Variants in KCNG2 observed in about 807,000 individuals in gnomAD.
The protein encoded by KCNG2 is potassium voltage-gated channel modifier subfamily G member 2.
In KCNG2, 7 loss-of-function variants were observed where a neutral mutation model predicts 12.3. That is an observed-to-expected ratio of 0.57 (90% CI 0.32 to 1.07). The LOEUF (loss-of-function observed/expected upper bound fraction) is 1.07. Among genes scored for constraint, KCNG2 ranks in the 50% least tolerant of loss-of-function variants. The probability of loss-of-function intolerance (pLI) is 0.04; values close to 1 mark genes in which losing one functional copy is unlikely to be tolerated. For synonymous variants in KCNG2, 414 were observed against 351.4 expected (o/e 1.18, Z -1.99); for missense variants, 703 against 726.0 (o/e 0.97, Z 0.36).
rs552961280 is a variant in KCNG2 at position 79,877,271 on chromosome 18, G to A, written c.624+12980G>A. ...TAGGGAGCGAAGGGTTAAAGTCTGC[G>A]GACAGAGTCGCTGCTGAGCAAATGA... On this transcript the variant is annotated intron_variant, in intron 3 of 3. Coordinates refer to ENST00000316249, the MANE Select transcript of KCNG2 (RefSeq NM_012283.2). Among the ~76,000 whole-genome samples the A allele has an allele frequency of 4.3e-4, 65 of 152,218 alleles. 1 individual carries two copies. Among genetic ancestry groups the A allele is most frequent in the African/African-American group, 1.4e-3 (58 of 41,572 alleles).
At chr18:79,818,371 C>T (rs998912574) in intron 1 of KCNG2, among the ~76,000 whole-genome samples, 14 of 152,326 alleles carry the variant, frequency 9.2e-5, no homozygotes, top group African/African-American at 2.4e-4. Flanking sequence ...GGCCAGCCCG[C>T]GAGAGATGCG....
In KCNG2 at chr18:79,830,768, G is replaced by A. The variant is rs567809090; in HGVS notation, c.-114-25611G>A. Among the ~76,000 whole-genome samples the A allele has an allele frequency of 6.1e-5, 9 of 147,132 alleles. No individual in the cohort carries two copies. In the East Asian group the frequency reaches 1.0e-3, roughly 17 times the overall value. Reference sequence around the variant, plus strand: ...AGGGTTCCCTGCGGACAGAGCCTTCGTCAGGAGGGTTCCCTGCGGACAGAG... The same window carrying A: ...AGGGTTCCCTGCGGACAGAGCCTTCATCAGGAGGGTTCCCTGCGGACAGAG... On this transcript the variant is annotated intron_variant, in intron 1 of 3. Transcript: ENST00000316249.
intron 1 of KCNG2, among the ~76,000 whole-genome samples, chr18:79,805,863 GCACACA>G (rs36068585): frequency 1.3e-5 from 2 of 150,944 alleles, no homozygotes; most frequent in Non-Finnish European, 3.0e-5. Context: ...AGGTCCACAT[GCACACA>G]CACACACACA....
intron 3 of KCNG2, among the ~76,000 whole-genome samples, chr18:79,876,718 C>G (rs1220143667): frequency 6.6e-6 from 1 of 152,228 alleles, no homozygotes; most frequent in Non-Finnish European, 1.5e-5. Flanking sequence ...ACCGTGAGCA[C>G]TTGCACCTGC....
At chr18:79,807,544 A>G (rs2087459151) in intron 1 of KCNG2, among the ~76,000 whole-genome samples, 1 of 152,164 alleles carries the variant, frequency 6.6e-6, no homozygotes, top group Non-Finnish European at 1.5e-5. Flanking sequence ...CAGATGAGAA[A>G]CTGGTGTGAC....
chr18:79,899,806 C>T lies in KCNG2; in HGVS notation c.1391C>T (p.Ala464Val), dbSNP rs755400361. The change falls in exon 4 of 4, where the codon GCA (alanine) becomes GTA (valine). Residue 464 changes from alanine to valine, a missense_variant. Physicochemically the swap from Ala to Val is moderately conservative, Grantham distance 64. Transcript: ENST00000316249. ...DDSADALWVR[A>V]GR is the part of the protein sequence containing the mutation. ...TCCGCGGATGCGCTGTGGGTGCGGG[C>T]AGGGCGCTGACGCCTGCGCCGCCCA... is the stretch of plus-strand genomic sequence containing the variant. The T allele has an allele frequency of 2.8e-6, 4 of 1,408,512 alleles. No individual in the cohort carries two copies. The African/African-American group carries it at 4.5e-5, about 16-fold the overall frequency. The allele number at this position is 1,408,512 out of a possible 1,614,324, so 87.3% of individuals were successfully genotyped here. A position where few individuals can be genotyped will look rare whatever the true frequency, so the allele number is the denominator to read the frequency against.
At chr18:79,896,990 T>C (rs1980999029) in intron 3 of KCNG2, among the ~76,000 whole-genome samples, 1 of 152,250 alleles carries the variant, frequency 6.6e-6, no homozygotes, top group Non-Finnish European at 1.5e-5. Context: ...TTCATTTTGC[T>C]CTTGCTGCTT....
chr18:79,800,291 C>T lies in KCNG2; in HGVS notation c.-115+2277C>T, dbSNP rs186580764. Among the ~76,000 whole-genome samples the T allele has an allele frequency of 2.0e-5, 3 of 152,018 alleles. No homozygotes were observed. The highest frequency in any genetic ancestry group is 6.5e-5 in the Admixed American group (1 of 15,274). The stretch of plus-strand genomic sequence containing the variant: ...TGTCTGAGTACTGCGCGCCTGTCCA[C>T]GGATGGGTAATTTTGTAATGAATGG... On this transcript the variant is annotated intron_variant, in intron 1 of 3. Transcript: ENST00000316249. This position sits in a 1 kb window ranked among gnomAD's most constrained non-coding sequence, Gnocchi z 4.0.
chr18:79,850,679 T>C (rs1978785309), intron 1 of KCNG2, among the ~76,000 whole-genome samples: 1 of 152,254 alleles, frequency 6.6e-6, no homozygotes, highest in African/African-American at 2.4e-5. Flanking sequence ...CGTTTTGGCC[T>C]CTCTGCCTTT....
At chr18:79,893,521 A>C (rs1980826620) in intron 3 of KCNG2, among the ~76,000 whole-genome samples, 1 of 151,732 alleles carries the variant, frequency 6.6e-6, no homozygotes, top group Non-Finnish European at 1.5e-5. Context: ...TCTTCACTCC[A>C]TGCACATCTA....
chr18:79,826,093 G>T (rs1246666203), intron 1 of KCNG2, among the ~76,000 whole-genome samples: 1 of 152,272 alleles, frequency 6.6e-6, no homozygotes, highest in Non-Finnish European at 1.5e-5. Flanking sequence ...TGACCTTGGA[G>T]GAAGCGGGCG....
intron 1 of KCNG2, among the ~76,000 whole-genome samples, chr18:79,812,180 A>G (rs148948442): frequency 8.0e-4 from 122 of 152,306 alleles, no homozygotes; most frequent in African/African-American, 2.7e-3. Context: ...AAAATTATCT[A>G]TGGGTCGAAG....
chr18:79,807,066 C>T (rs892623296), intron 1 of KCNG2, among the ~76,000 whole-genome samples: 10 of 152,186 alleles, frequency 6.6e-5, no homozygotes, highest in African/African-American at 2.4e-4. Flanking sequence ...CACCTTTGAG[C>T]TGGACAGACC....
chr18:79,850,954 C>T (rs988675529), intron 1 of KCNG2, among the ~76,000 whole-genome samples: 2 of 152,170 alleles, frequency 1.3e-5, no homozygotes, highest in African/African-American at 4.8e-5. Flanking sequence ...GCCGAACATC[C>T]GTGGAGTCTT....
chr18:79,845,898 A>C (rs1169986707), intron 1 of KCNG2, among the ~76,000 whole-genome samples: 2 of 150,968 alleles, frequency 1.3e-5, no homozygotes, highest in South Asian at 2.1e-4. Context: ...CATCCTGGCT[A>C]ATACAGTGAA....
intron 1 of KCNG2, among the ~76,000 whole-genome samples, chr18:79,851,901 T>C (rs916007385): frequency 1.4e-4 from 22 of 152,230 alleles, no homozygotes; most frequent in African/African-American, 5.1e-4. Flanking sequence ...GGCATCTGCA[T>C]TGGCTGTCAG....
At chr18:79,856,180 T>C (rs1979002544) in intron 1 of KCNG2, among the ~76,000 whole-genome samples, 199 bp from the exon 2 acceptor site, 1 of 152,218 alleles carries the variant, frequency 6.6e-6, no homozygotes, top group Admixed American at 6.5e-5. Context: ...TCCACTTATT[T>C]TAATAATTAT....
At chr18:79,872,281 T>TTTTTTTTTTTTTTTTTC in intron 3 of KCNG2, among the ~76,000 whole-genome samples, 1 of 30,562 alleles carries the variant, frequency 3.3e-5, no homozygotes, top group African/African-American at 6.5e-5. Context: ...AAAGCTTCAG[T>TTTTTTTTTTTTTTTTTC]TTTTTTTTTT....
intron 2 of KCNG2, among the ~76,000 whole-genome samples, chr18:79,857,733 C>T (rs547947879): frequency 1.3e-5 from 2 of 152,164 alleles, no homozygotes; most frequent in South Asian, 2.1e-4. Context: ...TGGATCCCCC[C>T]GAGACCTACT....
Sources: allele counts gnomAD v4.1 joint callset (sites outside exome capture counted in the v4.1 genomes callset), GRCh38; gene constraint gnomAD v4.1.1; non-coding constraint Gnocchi (gnomAD v3.1); transcripts MANE v1.5; gene names NCBI Gene and HGNC (gene_info 2026-07-23, HGNC 2026-07-21).